ATF7IP: variants seen among roughly 807,000 people sequenced by gnomAD.
ATF7IP encodes the protein activating transcription factor 7 interacting protein.
Under a neutral mutation model 106.4 loss-of-function variants are expected in ATF7IP, and 23 were observed. The observed-to-expected ratio is 0.22, with a 90% CI of 0.16 to 0.31. ATF7IP has a LOEUF of 0.31. ATF7IP is among the 10% of genes least tolerant of loss of function. The pLI is 1.00. For missense variants in ATF7IP, 1,334 were observed against 1,524.3 expected (o/e 0.88, Z 2.08); for synonymous variants, 542 against 539.0 (o/e 1.01, Z -0.08).
chr12:14,434,998 G>A (rs915362097), intron 3 of ATF7IP, among the ~76,000 whole-genome samples: 1 of 152,072 alleles, frequency 6.6e-6, no homozygotes, highest in Admixed American at 6.5e-5. Context: ...TGCAGTGGTA[G>A]TATTGCTTGA....
chr12:14,418,617 C>T (rs1941329079), intron 1 of ATF7IP, among the ~76,000 whole-genome samples: 1 of 152,190 alleles, frequency 6.6e-6, no homozygotes, highest in Non-Finnish European at 1.5e-5. Context: ...CTCAAATATG[C>T]TTCGCTAATG....
chr12:14,421,568 C>G (rs1941510154), intron 1 of ATF7IP, among the ~76,000 whole-genome samples: 1 of 152,134 alleles, frequency 6.6e-6, no homozygotes, highest in Admixed American at 6.5e-5. Flanking sequence ...AGATTTTCCC[C>G]TTTTTATAAG....
intron 5 of ATF7IP, among the ~76,000 whole-genome samples, chr12:14,446,322 A>G (rs1219245662): frequency 6.6e-6 from 1 of 151,794 alleles, no homozygotes; most frequent in East Asian, 1.9e-4. Flanking sequence ...TAATTTTTGT[A>G]TTTTTAGTAG....
intron 13 of ATF7IP, among the ~76,000 whole-genome samples, chr12:14,493,067 C>T (rs1053159743): frequency 6.6e-6 from 1 of 152,196 alleles, no homozygotes; most frequent in Admixed American, 6.5e-5. Flanking sequence ...CCAGCTCTCT[C>T]ACAGTGTGCC....
chr12:14,366,930 T>A (rs1938323306), intron 1 of ATF7IP, among the ~76,000 whole-genome samples: 1 of 152,162 alleles, frequency 6.6e-6, no homozygotes, highest in Non-Finnish European at 1.5e-5. Context: ...TGCTCCTGGT[T>A]TTATTAATAG....
intron 2 of ATF7IP, among the ~76,000 whole-genome samples, chr12:14,433,910 T>C (rs1415886884): frequency 1.3e-5 from 2 of 152,190 alleles, no homozygotes; most frequent in Admixed American, 6.5e-5. Flanking sequence ...TTAAAGTAAC[T>C]TAAGGATTCA....
chr12:14,421,208 C>T (rs893920498), intron 1 of ATF7IP, among the ~76,000 whole-genome samples: 1 of 152,126 alleles, frequency 6.6e-6, no homozygotes, highest in Non-Finnish European at 1.5e-5. Context: ...TTCTTAGTTT[C>T]TGGCAAGTTG....
At chr12:14,439,251 A>C (rs1004514607) in intron 5 of ATF7IP, among the ~76,000 whole-genome samples, 1 of 152,228 alleles carries the variant, frequency 6.6e-6, no homozygotes, top group Admixed American at 6.5e-5. Flanking sequence ...GCATATCCCA[A>C]AGATGCTGAG....
chr12:14,445,326 C>T (rs1013229429), intron 5 of ATF7IP, among the ~76,000 whole-genome samples: 25 of 151,764 alleles, frequency 1.6e-4, no homozygotes, highest in Non-Finnish European at 1.5e-4. Context: ...ATGACATTCT[C>T]GCATGAGCTG....
intron 6 of ATF7IP, among the ~76,000 whole-genome samples, chr12:14,447,408 A>G (rs1444479765): frequency 6.6e-6 from 1 of 151,114 alleles, no homozygotes; most frequent in African/African-American, 2.4e-5. Context: ...CAGCCTCCCA[A>G]GTAGCTGGGA....
At chr12:14,418,611 A>G (rs1941328415) in intron 1 of ATF7IP, among the ~76,000 whole-genome samples, 1 of 152,198 alleles carries the variant, frequency 6.6e-6, no homozygotes, top group South Asian at 2.1e-4. Context: ...ATCTTTCTCA[A>G]ATATGCTTCG....
At chr12:14,390,344 C>T (rs970291667) in intron 1 of ATF7IP, among the ~76,000 whole-genome samples, 1 of 152,044 alleles carries the variant, frequency 6.6e-6, no homozygotes, top group Non-Finnish European at 1.5e-5. Context: ...ATATAGAGTG[C>T]CATGGGAGCC....
At chr12:14,417,066 A>T (rs1941245494) in intron 1 of ATF7IP, 1 of 403,392 alleles carries the variant, frequency 2.5e-6, no homozygotes, top group Non-Finnish European at 3.4e-6. Flanking sequence ...AAATTCTGAT[A>T]ACAAATTTTC....
At position 14,400,667 on chromosome 12, in the gene ATF7IP, G is replaced by A. The variant is rs570452087; in HGVS notation, c.-7-23242G>A. ...CCTGATATATTCCTTTGTAAAACATGTTGATACATTGTTAGATAGATACCT... is the reference window on the plus strand; with the variant it reads ...CCTGATATATTCCTTTGTAAAACATATTGATACATTGTTAGATAGATACCT... On this transcript the variant is annotated intron_variant, in intron 1 of 14. Transcript: ENST00000261168. 2.6e-5 allele frequency among the ~76,000 whole-genome samples: 4 copies of A among 152,088 alleles called. No individual in the cohort carries two copies. The South Asian group carries it at 6.2e-4, about 24-fold the overall frequency.
At chr12:14,378,100 CTT>C (rs59879512) in intron 1 of ATF7IP, among the ~76,000 whole-genome samples, 9 of 137,842 alleles carry the variant, frequency 6.5e-5, no homozygotes, top group Non-Finnish European at 4.6e-5. Flanking sequence ...TTTTCTTTTT[CTT>C]TTTTTTTTTT....
At chr12:14,497,594 T>G in intron 14 of ATF7IP, 60 bp from the exon 15 acceptor site, 1 of 1,490,164 alleles carries the variant, frequency 6.7e-7, no homozygotes, top group Non-Finnish European at 9.1e-7. Context: ...GTTTTAATTC[T>G]AACATTCTAA....
At chr12:14,453,777 A>G (rs1472763839) in intron 6 of ATF7IP, among the ~76,000 whole-genome samples, 1 of 152,028 alleles carries the variant, frequency 6.6e-6, no homozygotes. Flanking sequence ...GGTGCCCACC[A>G]TCACGCTCGG....
At chr12:14,371,336 T>A (rs1003586852) in intron 1 of ATF7IP, among the ~76,000 whole-genome samples, 2 of 152,096 alleles carry the variant, frequency 1.3e-5, no homozygotes, top group African/African-American at 2.4e-5. Context: ...ATATAAAATA[T>A]TAAGATATTA....
chr12:14,435,743 A>G (rs771408617), intron 3 of ATF7IP, among the ~76,000 whole-genome samples: 5 of 152,202 alleles, frequency 3.3e-5, no homozygotes, highest in African/African-American at 4.8e-5. Flanking sequence ...AATGAATACT[A>G]TATTTTGTCA....
Sources: allele counts gnomAD v4.1 joint callset (sites outside exome capture counted in the v4.1 genomes callset), GRCh38; gene constraint gnomAD v4.1.1; transcripts MANE v1.5; gene names NCBI Gene and HGNC (gene_info 2026-07-23, HGNC 2026-07-21).